Variants in UNC13C observed in about 807,000 individuals in gnomAD.
UNC13C encodes unc-13 homolog C.
Under a neutral mutation model 245.4 loss-of-function variants are expected in UNC13C, and 174 were observed. That is an observed-to-expected ratio of 0.71 (90% CI 0.63 to 0.80). UNC13C has a LOEUF of 0.80. UNC13C is among the 30% of genes least tolerant of loss of function. The pLI, the probability that UNC13C is intolerant of heterozygous loss-of-function variation, is 0.00. For synonymous variants in UNC13C, 992 were observed against 895.1 expected (o/e 1.11, Z -1.93); for missense variants, 2,829 against 2,602.9 (o/e 1.09, Z -1.89).
At chr15:54,046,509 G>C (rs1388768212) in intron 2 of UNC13C, among the ~76,000 whole-genome samples, 1 of 151,842 alleles carries the variant, frequency 6.6e-6, no homozygotes, top group African/African-American at 2.4e-5. Flanking sequence ...TATGTTTAAA[G>C]ATTTTATATT....
the UNC13C span, among the ~76,000 whole-genome samples, chr15:53,927,277 G>C: frequency 6.6e-6 from 1 of 152,176 alleles, no homozygotes; most frequent in Non-Finnish European, 1.5e-5. Context: ...GCCACTCAGG[G>C]TTAGTTCCAT....
intron 32 of UNC13C, among the ~76,000 whole-genome samples, chr15:54,625,912 C>T (rs906310626): frequency 6.6e-6 from 1 of 152,098 alleles, no homozygotes; most frequent in African/African-American, 2.4e-5. Flanking sequence ...TCATATTTTG[C>T]TCTTCTACTC....
intron 30 of UNC13C, among the ~76,000 whole-genome samples, chr15:54,589,289 CT>C (rs71105821): frequency 2.4e-3 from 127 of 53,450 alleles, no homozygotes; most frequent in East Asian, 9.4e-3. Flanking sequence ...TCTTCTTCTT[CT>C]TTTTTTTTTT....
intron 4 of UNC13C, among the ~76,000 whole-genome samples, chr15:54,146,204 C>A (rs2032248973): frequency 6.6e-6 from 1 of 151,990 alleles, no homozygotes; most frequent in Non-Finnish European, 1.5e-5. Flanking sequence ...ATTTAAATAT[C>A]ACAACTTCTA....
chr15:53,937,875 C>T, the UNC13C span, among the ~76,000 whole-genome samples: 14 of 152,076 alleles, frequency 9.2e-5, no homozygotes, highest in South Asian at 2.1e-4. Flanking sequence ...TGAGAGGTCC[C>T]GAAGGAAGAA....
At chr15:54,034,680 C>G (rs185799855) in intron 2 of UNC13C, among the ~76,000 whole-genome samples, 4 of 152,176 alleles carry the variant, frequency 2.6e-5, no homozygotes, top group African/African-American at 9.7e-5. Flanking sequence ...ATGCATACTA[C>G]TGTACAGATT....
At chr15:54,163,098 G>C (rs1351734521) in intron 4 of UNC13C, among the ~76,000 whole-genome samples, 1 of 152,126 alleles carries the variant, frequency 6.6e-6, no homozygotes, top group African/African-American at 2.4e-5. Flanking sequence ...CGTGGCAAAA[G>C]GCACTTTGCA....
chr15:54,529,544 C>T (rs1006824519), intron 25 of UNC13C, among the ~76,000 whole-genome samples: 2 of 152,122 alleles, frequency 1.3e-5, no homozygotes, highest in African/African-American at 4.8e-5. Flanking sequence ...GCACCTAGAA[C>T]AGTGATTGGC....
rs1281365185 is a variant in UNC13C, at chr15:54,265,512, G to A, written c.3818+16G>A. 7 of 1,472,368 alleles carry A rather than the reference G, an allele frequency of 4.8e-6. No homozygotes were observed. Among genetic ancestry groups the A allele is most frequent in the South Asian group, 1.4e-5 (1 of 71,930 alleles). 91.2% of individuals were successfully genotyped at this position (1,472,368 alleles called of 1,614,324 possible). ...AGTTTTATTTGTGAGTATATAATGT[G>A]AAACCTTTACAAATATTAAATTATT... On this transcript the variant is annotated intron_variant, in intron 10 of 32. Coordinates refer to ENST00000260323, the MANE Select transcript of UNC13C (RefSeq NM_001080534.3).
At chr15:54,374,715 A>G (rs1426153086) in intron 17 of UNC13C, among the ~76,000 whole-genome samples, 3 of 152,200 alleles carry the variant, frequency 2.0e-5, no homozygotes, top group African/African-American at 7.2e-5. Context: ...CATTCCTCCA[A>G]CTTGGAAGGG....
At chr15:54,477,453 G>A (rs1892817954) in intron 19 of UNC13C, among the ~76,000 whole-genome samples, 1 of 107,592 alleles carries the variant, frequency 9.3e-6, no homozygotes, top group Non-Finnish European at 2.0e-5. Flanking sequence ...GTTTGTCATA[G>A]ATAGCTCTTA....
intron 29 of UNC13C, among the ~76,000 whole-genome samples, chr15:54,562,829 T>G (rs2141209344): frequency 6.6e-6 from 1 of 152,134 alleles, no homozygotes; most frequent in East Asian, 1.9e-4. Context: ...CTTTTCATAT[T>G]TCTTATAAAT....
chr15:54,112,699 T>G (rs542295043), intron 2 of UNC13C, among the ~76,000 whole-genome samples: 1 of 152,216 alleles, frequency 6.6e-6, no homozygotes, highest in South Asian at 2.1e-4. Flanking sequence ...GAAATAATTT[T>G]GGTGCTGCTT....
At position 54,427,674 on chromosome 15, in the gene UNC13C, A is replaced by G. The variant is rs2040786561; in HGVS notation, c.4933+12607A>G. Among the ~76,000 whole-genome samples the G allele has an allele frequency of 2.0e-5, 3 of 151,980 alleles. No homozygotes were observed. In the South Asian group the frequency reaches 6.2e-4, roughly 31 times the overall value. On this transcript the variant is annotated intron_variant, in intron 19 of 32. Coordinates refer to ENST00000260323, the MANE Select transcript of UNC13C (RefSeq NM_001080534.3). ...AAAACATTTATAACTTTAATTTTAC[A>G]TAATAATTAACCAAAATACTTTTTG...
intron 10 of UNC13C, among the ~76,000 whole-genome samples, chr15:54,274,358 A>T (rs1213139371): frequency 6.6e-6 from 1 of 152,218 alleles, no homozygotes; most frequent in Non-Finnish European, 1.5e-5. Flanking sequence ...AAATATCATT[A>T]TAATTATAGG....
chr15:54,287,772 G>C (rs1227189021), intron 10 of UNC13C, among the ~76,000 whole-genome samples: 1 of 152,166 alleles, frequency 6.6e-6, no homozygotes, highest in Non-Finnish European at 1.5e-5. Flanking sequence ...AAGGAGGGGA[G>C]TGGTTTGAAA....
intron 11 of UNC13C, among the ~76,000 whole-genome samples, chr15:54,295,908 T>A (rs944328390): frequency 1.3e-5 from 2 of 152,306 alleles, no homozygotes; most frequent in Non-Finnish European, 2.9e-5. Flanking sequence ...GGTTTTACCT[T>A]TTTTAGCTTT....
At chr15:54,038,153 T>A (rs1260418989) in intron 2 of UNC13C, among the ~76,000 whole-genome samples, 2 of 120,402 alleles carry the variant, frequency 1.7e-5, no homozygotes, top group African/African-American at 6.0e-5. Context: ...TGAGACAGAG[T>A]CTGTGTTGCA....
At chr15:54,033,498 G>A (rs1178733761) in intron 2 of UNC13C, among the ~76,000 whole-genome samples, 1 of 152,106 alleles carries the variant, frequency 6.6e-6, no homozygotes, top group East Asian at 1.9e-4. Flanking sequence ...CTGTTCTCAA[G>A]CCTGGATGCA....
Sources: gnomAD v4.1 joint callset for allele counts (sites outside exome capture counted in the v4.1 genomes callset) on GRCh38, gnomAD v4.1.1 for gene constraint, MANE v1.5 for transcripts, NCBI Gene and HGNC (gene_info 2026-07-23, HGNC 2026-07-21) for gene names.